Variants in EXOC1L observed in about 807,000 individuals in gnomAD.
EXOC1L encodes exocyst complex component 1 like, also known as exocyst complex component 1-like.
Under a neutral mutation model 4.9 loss-of-function variants are expected in EXOC1L, and 10 were observed. That is an observed-to-expected ratio of 2.02 (90% CI 1.25 to 3.43). The LOEUF (loss-of-function observed/expected upper bound fraction) is 3.43, where lower values mean the gene tolerates loss of function less well. Among genes scored for constraint, EXOC1L ranks in the 30% most tolerant of loss-of-function variants. The pLI is 0.00. For synonymous variants in EXOC1L, 41 were observed against 20.8 expected (o/e 1.97, Z -2.63); for missense variants, 114 against 59.4 (o/e 1.92, Z -3.02).
chr4:55,825,117 T>C (rs1719847871), intron 1 of EXOC1L, among the ~76,000 whole-genome samples: 1 of 152,216 alleles, frequency 6.6e-6, no homozygotes, highest in South Asian at 2.1e-4. Context: ...CTGCTGAGTG[T>C]CAGGCACAAG....
At chr4:55,827,338 C>G (rs1045576128) in intron 1 of EXOC1L, among the ~76,000 whole-genome samples, 1 of 152,182 alleles carries the variant, frequency 6.6e-6, no homozygotes, top group African/African-American at 2.4e-5. Flanking sequence ...CCATTTACAA[C>G]TCAGGTTACC....
chr4:55,827,226 C>T (rs925571534), intron 1 of EXOC1L, among the ~76,000 whole-genome samples: 1 of 152,148 alleles, frequency 6.6e-6, no homozygotes, highest in Admixed American at 6.5e-5. Flanking sequence ...CCAGCAATAC[C>T]AGATGCTTTT....
chr4:55,832,784 T>C (rs1720067565), intron 2 of EXOC1L, among the ~76,000 whole-genome samples: 2 of 152,010 alleles, frequency 1.3e-5, no homozygotes, highest in South Asian at 2.1e-4. Context: ...TAATTTGCCT[T>C]CTTTGGATTG....
chr4:55,829,744 C>T (rs570236448), intron 1 of EXOC1L, among the ~76,000 whole-genome samples: 30 of 152,312 alleles, frequency 2.0e-4, no homozygotes, highest in South Asian at 1.4e-3. Context: ...CACCATCAGG[C>T]AATGGATGCT....
chr4:55,830,220 C>T (rs763648024), intron 1 of EXOC1L, among the ~76,000 whole-genome samples: 8 of 152,122 alleles, frequency 5.3e-5, no homozygotes, highest in Non-Finnish European at 7.4e-5. Context: ...ATGTCTACAG[C>T]GCTAGGAGAG....
intron 1 of EXOC1L, among the ~76,000 whole-genome samples, chr4:55,830,965 G>A (rs954444038): frequency 6.6e-6 from 1 of 152,030 alleles, no homozygotes; most frequent in African/African-American, 2.4e-5. Flanking sequence ...AAATTCCAAC[G>A]TGTTCTGATA....
intron 1 of EXOC1L, among the ~76,000 whole-genome samples, chr4:55,822,950 A>G (rs568373336): frequency 3.6e-4 from 52 of 145,264 alleles, no homozygotes; most frequent in Middle Eastern, 7.4e-3. Context: ...TACTATAAAT[A>G]CATATTTATA....
At chr4:55,832,874 C>A (rs1720068785) in intron 2 of EXOC1L, among the ~76,000 whole-genome samples, 1 of 151,896 alleles carries the variant, frequency 6.6e-6, no homozygotes, top group Non-Finnish European at 1.5e-5. Context: ...TACCAGGCCC[C>A]ACTAGGCTCT....
chr4:55,827,442 G>A (rs1320913946), intron 1 of EXOC1L, among the ~76,000 whole-genome samples: 2 of 152,132 alleles, frequency 1.3e-5, no homozygotes, highest in Non-Finnish European at 2.9e-5. Flanking sequence ...TTGCAGAACT[G>A]TAAGCACAGG....
intron 1 of EXOC1L, among the ~76,000 whole-genome samples, chr4:55,830,075 A>T (rs767513932): frequency 6.6e-6 from 1 of 152,138 alleles, no homozygotes; most frequent in Non-Finnish European, 1.5e-5. Flanking sequence ...TTTAAGCCCC[A>T]TCTCAAATTC....
At chr4:55,836,141 A>T (rs549915108) in intron 2 of EXOC1L, among the ~76,000 whole-genome samples, 7 of 152,012 alleles carry the variant, frequency 4.6e-5, no homozygotes, top group Admixed American at 6.6e-5. Context: ...ATGTGATGTT[A>T]CATACTACAT....
intron 2 of EXOC1L, among the ~76,000 whole-genome samples, chr4:55,834,967 T>C (rs1720123298): frequency 6.6e-6 from 1 of 151,916 alleles, no homozygotes; most frequent in Non-Finnish European, 1.5e-5. Flanking sequence ...TAGTCTTTTA[T>C]CCCTCACTGC....
chr4:55,820,003 T>G lies in EXOC1L; in HGVS notation c.-24T>G, dbSNP rs978060835. ...GAAAGAGTGAGCTTGAGCCAAGACA[T>G]CAGGCCAAGTGGAACTGGAGGAAAT... On this transcript the variant is annotated 5_prime_UTR_variant, in exon 1 of 3. Coordinates refer to ENST00000636125, the MANE Select transcript of EXOC1L (RefSeq NM_001351574.3). The G allele has an allele frequency of 2.3e-5, 9 of 398,804 alleles. No individual in the cohort carries two copies. Among genetic ancestry groups the G allele is most frequent in the African/African-American group, 1.9e-4 (9 of 48,600 alleles). 24.7% of individuals were successfully genotyped at this position (398,804 alleles called of 1,614,324 possible).
intron 1 of EXOC1L, among the ~76,000 whole-genome samples, chr4:55,822,872 T>C (rs1719782008): frequency 6.6e-6 from 1 of 151,968 alleles, no homozygotes; most frequent in Non-Finnish European, 1.5e-5. Flanking sequence ...AAGGTTATAA[T>C]TTTCAGATAT....
At chr4:55,835,394 A>T (rs548454462) in intron 2 of EXOC1L, among the ~76,000 whole-genome samples, 14 of 151,976 alleles carry the variant, frequency 9.2e-5, no homozygotes, top group Non-Finnish European at 1.6e-4. Flanking sequence ...GCTGGATCAA[A>T]TGGTAGTTCT....
At chr4:55,828,346 G>T (rs1252898998) in intron 1 of EXOC1L, among the ~76,000 whole-genome samples, 1 of 152,116 alleles carries the variant, frequency 6.6e-6, no homozygotes, top group Non-Finnish European at 1.5e-5. Flanking sequence ...CAGTGCTAGG[G>T]CTGAACTCTG....
At chr4:55,836,979 T>C (rs1440119570) in intron 2 of EXOC1L, 106 bp from the exon 3 acceptor site, 1 of 510,502 alleles carries the variant, frequency 2.0e-6, no homozygotes, top group African/African-American at 1.9e-5. Context: ...TGTTTGATAC[T>C]GATACTTTAC....
intron 1 of EXOC1L, among the ~76,000 whole-genome samples, chr4:55,823,386 T>G (rs1719794615): frequency 6.6e-6 from 1 of 152,236 alleles, no homozygotes; most frequent in Non-Finnish European, 1.5e-5. Context: ...GAGAGCACAA[T>G]CTAAAGAATT....
At chr4:55,836,142 C>T (rs1720154254) in intron 2 of EXOC1L, among the ~76,000 whole-genome samples, 1 of 151,866 alleles carries the variant, frequency 6.6e-6, no homozygotes, top group Admixed American at 6.6e-5. Flanking sequence ...TGTGATGTTA[C>T]ATACTACATG....
Sources: allele counts gnomAD v4.1 joint callset (sites outside exome capture counted in the v4.1 genomes callset), GRCh38; gene constraint gnomAD v4.1.1; transcripts MANE v1.5; gene names NCBI Gene and HGNC (gene_info 2026-07-23, HGNC 2026-07-21).